Variants in CD44 observed in about 807,000 individuals in gnomAD.
The protein encoded by CD44 is CD44 antigen.
A neutral mutation model predicts 88.8 loss-of-function variants in CD44; 49 were observed. That is an observed-to-expected ratio of 0.55 (90% CI 0.44 to 0.70). CD44 has a LOEUF of 0.70. Among genes scored for constraint, CD44 ranks in the 30% least tolerant of loss-of-function variants. The pLI, the probability that CD44 is intolerant of heterozygous loss-of-function variation, is 0.00. For synonymous variants in CD44, 325 were observed against 312.3 expected (o/e 1.04, Z -0.43); for missense variants, 883 against 913.8 (o/e 0.97, Z 0.43).
intron 7 of CD44, among the ~76,000 whole-genome samples, chr11:35,199,283 G>T (rs555962384): frequency 6.6e-6 from 1 of 152,312 alleles, no homozygotes; most frequent in East Asian, 1.9e-4. Context: ...TGGAAATTGA[G>T]CTTTAAAGAT....
At chr11:35,215,889 A>T (rs949637550) in intron 15 of CD44, among the ~76,000 whole-genome samples, 1 of 150,738 alleles carries the variant, frequency 6.6e-6, no homozygotes, top group South Asian at 2.1e-4. Context: ...ACCAAAAAAC[A>T]AAAAACAAAA....
Position 35,180,279 on chromosome 11 carries a change from G to T in CD44, c.239G>T (p.Gly80Val). Reference sequence around the variant, plus strand: ...CTGTTGTTTTTCTCTTACAGGTATGGGTTCATAGAAGGGCACGTGGTGATT... The same window carrying T: ...CTGTTGTTTTTCTCTTACAGGTATGTGTTCATAGAAGGGCACGTGGTGATT... ...LSIGFETCRY[G>V]FIEGHVVIPR... Residue 80 changes from glycine to valine, a missense_variant, in exon 3 of 18, where the codon GGG (glycine) becomes GTG (valine). By Grantham distance (109) the Gly-to-Val change is moderately radical. This residue lies in a region of CD44 where 252 missense variants were observed against 322.9 expected (regional missense o/e 0.78). Coordinates refer to ENST00000428726, the MANE Select transcript of CD44 (RefSeq NM_000610.4). 1 of 1,614,042 alleles carries T rather than the reference G, an allele frequency of 6.2e-7. No individual in the cohort carries two copies. Among genetic ancestry groups the T allele is most frequent in the Non-Finnish European group, 8.5e-7 (1 of 1,179,956 alleles).
At chr11:35,210,086 T>A in intron 13 of CD44, 32 bp downstream of exon 13, 1 of 1,299,568 alleles carries the variant, frequency 7.7e-7, no homozygotes. Flanking sequence ...TGGCTTCAGC[T>A]ATTGATAAGA....
intron 17 of CD44, among the ~76,000 whole-genome samples, chr11:35,227,653 C>T (rs1949798739): frequency 1.3e-5 from 2 of 152,206 alleles, no homozygotes; most frequent in South Asian, 4.1e-4. Context: ...TTTATTTCCC[C>T]AAACAAGAGC....
At chr11:35,148,036 A>G (rs1859534282) in intron 1 of CD44, among the ~76,000 whole-genome samples, 1 of 151,954 alleles carries the variant, frequency 6.6e-6, no homozygotes, top group Non-Finnish European at 1.5e-5. Flanking sequence ...GGTTGCAGTG[A>G]GCCAAGATCA....
intron 11 of CD44, 31 bp downstream of exon 11, chr11:35,206,274 G>A: frequency 6.4e-7 from 1 of 1,567,070 alleles, no homozygotes. Context: ...TATATATTAT[G>A]TTTTTTGAAA....
chr11:35,204,593 A>T lies in CD44; in HGVS notation c.1235A>T (p.Tyr412Phe). The T allele has an allele frequency of 6.2e-7, 1 of 1,613,056 alleles. No homozygotes were observed. Among genetic ancestry groups the T allele is most frequent in the South Asian group, 1.1e-5 (1 of 91,056 alleles). Residue 412 changes from tyrosine to phenylalanine, a missense_variant, in exon 10 of 18, where the codon TAT becomes TTT. Transcript: ENST00000428726. Reference sequence around the variant, plus strand: ...TTTGGCAACAGATGGCATGAGGGATATCGCCAAACACCCAAAGAAGACTCC... The same window carrying T: ...TTTGGCAACAGATGGCATGAGGGATTTCGCCAAACACCCAAAGAAGACTCC... ...QWFGNRWHEG[Y>F]RQTPKEDSHS...
chr11:35,176,587 C>A lies in CD44; in HGVS notation c.80C>A (p.Thr27Asn), dbSNP rs1227987767. 1 of 1,609,494 alleles carries A rather than the reference C, an allele frequency of 6.2e-7. No individual in the cohort carries two copies. The change falls in exon 2 of 18, where the codon ACC (threonine) becomes AAC (asparagine). Residue 27 changes from threonine (T) to asparagine (N), a missense_variant. Coordinates refer to ENST00000428726, the MANE Select transcript of CD44 (RefSeq NM_000610.4). ...LSLAQIDLNI[T>N]CRFAGVFHVE... ...TTTCTTCCCATAGATTTGAATATAA[C>A]CTGCCGCTTTGCAGGTGTATTCCAC...
chr11:35,215,697 C>T (rs1441444045), intron 15 of CD44, among the ~76,000 whole-genome samples: 1 of 151,850 alleles, frequency 6.6e-6, no homozygotes, highest in African/African-American at 2.4e-5. Flanking sequence ...GCCTGGCCAA[C>T]CCTGTCTCTA....
chr11:35,196,632 T>C (rs1239686227), intron 5 of CD44, 114 bp from the exon 6 acceptor site: 6 of 1,140,670 alleles, frequency 5.3e-6, no homozygotes, highest in African/African-American at 3.1e-5. Context: ...TCACCATCTA[T>C]ATCAAATATA....
At chr11:35,150,573 T>A (rs1246919327) in intron 1 of CD44, among the ~76,000 whole-genome samples, 1 of 152,244 alleles carries the variant, frequency 6.6e-6, no homozygotes, top group Admixed American at 6.5e-5. Context: ...TGAATGTCCT[T>A]CGTCAGATCA....
chr11:35,198,915 G>A (rs752319601), intron 7 of CD44, among the ~76,000 whole-genome samples: 6 of 149,414 alleles, frequency 4.0e-5, no homozygotes, highest in African/African-American at 7.4e-5. Context: ...GGAGGAGATC[G>A]CGCCACTGCA....
At chr11:35,215,041 G>T (rs1948711157) in intron 15 of CD44, 127 bp downstream of exon 15, 1 of 480,358 alleles carries the variant, frequency 2.1e-6, no homozygotes. Context: ...CATCACAATT[G>T]CAGGGAGGGC....
At chr11:35,175,235 A>C (rs1324173714) in intron 1 of CD44, among the ~76,000 whole-genome samples, 1 of 152,200 alleles carries the variant, frequency 6.6e-6, no homozygotes, top group Non-Finnish European at 1.5e-5. Context: ...TTGAGGTTAG[A>C]GAGGGAGCCA....
In CD44 at chr11:35,139,858, G is replaced by C. The variant is rs576585245; in HGVS notation, c.67+488G>C. Among the ~76,000 whole-genome samples, 17 of 152,354 alleles carry C rather than the reference G, an allele frequency of 1.1e-4. No individual in the cohort carries two copies. In the South Asian group the frequency reaches 3.5e-3, roughly 32 times the overall value. On this transcript the variant is annotated intron_variant, in intron 1 of 17. Coordinates refer to ENST00000428726, the MANE Select transcript of CD44 (RefSeq NM_000610.4). ...CACAATTCCAAGTGTGAGACTAGCT[G>C]GCAATGGGTTTTCCAGAAAGGGGTC...
In CD44 at chr11:35,209,767, T is replaced by A. The variant is rs1165409020; in HGVS notation, c.1517-198T>A. Reference sequence around the variant, plus strand: ...GATGATTATACTGAGAAATAAAGGGTCTTCAGAACCAAATAGGGGCAAAAT... The same window carrying A: ...GATGATTATACTGAGAAATAAAGGGACTTCAGAACCAAATAGGGGCAAAAT... On this transcript the variant is annotated intron_variant, in intron 12 of 17. Transcript: ENST00000428726. Among the ~76,000 whole-genome samples, 3 of 152,148 alleles carry A rather than the reference T, an allele frequency of 2.0e-5. No homozygotes were observed. The East Asian group carries it at 5.8e-4, about 29-fold the overall frequency.
At position 35,209,967 on chromosome 11, in the gene CD44, C is replaced by T; in HGVS notation, c.1519C>T (p.Gln507Ter). The change falls in exon 13 of 18, where the codon CAG (glutamine) becomes TAG (stop). Residue 507 changes from glutamine (Q) to a stop codon, truncating the protein, a stop_gained and splice_region_variant. Coordinates refer to ENST00000428726, the MANE Select transcript of CD44 (RefSeq NM_000610.4). LOFTEE classifies it high-confidence loss of function. ...RTGPLSMTTQ[Q>*]SNSQSFSTSH... The stretch of plus-strand genomic sequence containing the variant: ...GGATTCATTCCTCATTGAAACAGAG[C>T]AGAGTAATTCTCAGAGCTTCTCTAC... 1.3e-6 allele frequency: 2 copies of T among 1,566,912 alleles called. No individual in the cohort carries two copies. Among genetic ancestry groups the T allele is most frequent in the Non-Finnish European group, 8.6e-7 (1 of 1,156,690 alleles).
At chr11:35,161,879 A>G (rs1373785969) in intron 1 of CD44, among the ~76,000 whole-genome samples, 3 of 152,194 alleles carry the variant, frequency 2.0e-5, no homozygotes, top group Non-Finnish European at 4.4e-5. Context: ...TGAGCCTACA[A>G]AAAGCCCCAT....
At chr11:35,186,739 T>A in intron 3 of CD44, 93 bp from the exon 4 acceptor site, 1 of 758,948 alleles carries the variant, frequency 1.3e-6, no homozygotes, top group Non-Finnish European at 2.4e-6. Flanking sequence ...GAATAAGTTA[T>A]AGTAAAACTC....
Sources: allele counts gnomAD v4.1 joint callset (sites outside exome capture counted in the v4.1 genomes callset), GRCh38; gene constraint gnomAD v4.1.1; regional missense constraint gnomAD v4.1.1; transcripts MANE v1.5; gene names NCBI Gene and HGNC (gene_info 2026-07-23, HGNC 2026-07-21).